Variants in ADAM12 observed in about 807,000 individuals in gnomAD.
ADAM12 encodes the protein disintegrin and metalloproteinase domain-containing protein 12.
Under a neutral mutation model 106.4 loss-of-function variants are expected in ADAM12, and 70 were observed. The ratio of observed to expected loss-of-function variants is 0.66; its 90% CI spans 0.54 to 0.80. The LOEUF (loss-of-function observed/expected upper bound fraction) is 0.80. ADAM12 is among the 30% of genes least tolerant of loss of function. The probability of loss-of-function intolerance (pLI) is 0.00; values close to 1 mark genes in which losing one functional copy is unlikely to be tolerated. For synonymous variants in ADAM12, 420 were observed against 433.5 expected, an observed-to-expected ratio of 0.97 and a Z score of 0.39; for missense variants, 1,010 against 1,171.9, an observed-to-expected ratio of 0.86 and a Z score of 2.02.
rs144125597 is a variant in ADAM12, at chr10:126,287,038, C to T, written c.187-8050G>A. The stretch of plus-strand genomic sequence containing the variant: ...AGGCACCATCACATCACCTTTGGTC[C>T]TCGTGATGCTCTTAGCTCAAGTTCT... On this transcript the variant is annotated intron_variant, in intron 2 of 22. Transcript: ENST00000448723. Among the ~76,000 whole-genome samples, 755 of 152,298 alleles carry T rather than the reference C, an allele frequency of 5.0e-3. 1 individual carries two copies. The highest frequency in any genetic ancestry group is 0.014 in the Middle Eastern group (4 of 294).
At chr10:126,198,323 T>C (rs1957635758) in intron 3 of ADAM12, among the ~76,000 whole-genome samples, 1 of 152,218 alleles carries the variant, frequency 6.6e-6, no homozygotes, top group African/African-American at 2.4e-5. Flanking sequence ...CTGTACCTTT[T>C]TCTGGTCTAA....
chr10:126,335,445 G>A (rs140241301), intron 1 of ADAM12, among the ~76,000 whole-genome samples: 3 of 152,158 alleles, frequency 2.0e-5, no homozygotes, highest in African/African-American at 7.2e-5. Flanking sequence ...CAGGGACAAG[G>A]CTTCGGAAAC....
At position 126,015,762 on chromosome 10, in the gene ADAM12, G is replaced by T. The variant is rs1267118886; in HGVS notation, c.*1517C>A. On this transcript the variant is annotated 3_prime_UTR_variant, in exon 23 of 23. Coordinates refer to ENST00000448723, the MANE Select transcript of ADAM12 (RefSeq NM_001288973.2). ...AGAAGGCTTTCTCATAAAACACTCA[G>T]AGTGAATTATGTAACTGTTGTCAAT... 1.3e-5 allele frequency: 2 copies of T among 152,216 alleles called. No individual in the cohort carries two copies. The highest frequency in any genetic ancestry group is 2.9e-5 in the Non-Finnish European group (2 of 68,038). 9.4% of individuals were successfully genotyped at this position (152,216 alleles called of 1,614,324 possible).
intron 1 of ADAM12, among the ~76,000 whole-genome samples, chr10:126,342,676 C>G (rs1250694780): frequency 6.6e-6 from 1 of 152,216 alleles, no homozygotes; most frequent in African/African-American, 2.4e-5. Context: ...CTGGTCCAAT[C>G]CAGTATCGGC....
intron 3 of ADAM12, among the ~76,000 whole-genome samples, chr10:126,184,395 T>C (rs1008042469): frequency 2.0e-5 from 3 of 152,218 alleles, no homozygotes; most frequent in East Asian, 3.8e-4. Flanking sequence ...GAGTGTTACA[T>C]AAAAGTGACC....
At chr10:126,200,833 T>A (rs1485128731) in intron 3 of ADAM12, among the ~76,000 whole-genome samples, 1 of 145,716 alleles carries the variant, frequency 6.9e-6, no homozygotes, top group Non-Finnish European at 1.5e-5. Flanking sequence ...TGGAGAGTTG[T>A]TAGGACTTAG....
chr10:126,273,638 C>G (rs1439438361), intron 3 of ADAM12, among the ~76,000 whole-genome samples: 1 of 152,110 alleles, frequency 6.6e-6, no homozygotes, highest in East Asian at 1.9e-4. Context: ...GTGTCTGTTC[C>G]AGGTCTTGTG....
chr10:126,202,862 G>C (rs895980939), intron 3 of ADAM12, among the ~76,000 whole-genome samples: 3 of 151,702 alleles, frequency 2.0e-5, no homozygotes, highest in South Asian at 2.1e-4. Context: ...TTTTCCGAAG[G>C]TCAAAGTGAG....
rs60411537 is a variant in ADAM12 at position 126,049,988 on chromosome 10, GTGGCTGGCTGGCTGGC to G, written c.1610-335_1610-320del. Among the ~76,000 whole-genome samples the G allele has an allele frequency of 2.8e-3, 427 of 149,944 alleles. 1 individual carries two copies. Among genetic ancestry groups the G allele is most frequent in the Non-Finnish European group, 4.5e-3 (305 of 67,340 alleles). The stretch of plus-strand genomic sequence containing the variant: ...AGATCTGATCCAGGGCAGAAAGGAG[GTGGCTGGCTGGCTGGC>G]TGGCTGGCTGGCTGGCTGGCTGGCT... On this transcript the variant is annotated intron_variant, in intron 14 of 22. Coordinates refer to ENST00000448723, the MANE Select transcript of ADAM12 (RefSeq NM_001288973.2). This position sits in a 1 kb window ranked among gnomAD's most constrained non-coding sequence, Gnocchi z 4.4.
At chr10:126,251,339 A>T (rs1001544942) in intron 3 of ADAM12, among the ~76,000 whole-genome samples, 2 of 152,224 alleles carry the variant, frequency 1.3e-5, no homozygotes, top group African/African-American at 4.8e-5. Context: ...AGTGGGTAGC[A>T]TGTTATTATT....
At chr10:126,093,497 G>T (rs1257244972) in intron 11 of ADAM12, among the ~76,000 whole-genome samples, 1 of 152,126 alleles carries the variant, frequency 6.6e-6, no homozygotes, top group African/African-American at 2.4e-5. Flanking sequence ...CCAAGCTACC[G>T]ACTTCAGAGA....
chr10:126,031,166 A>G (rs940817594), intron 21 of ADAM12, among the ~76,000 whole-genome samples: 11 of 152,230 alleles, frequency 7.2e-5, no homozygotes, highest in Non-Finnish European at 1.5e-5. Flanking sequence ...CACCTTTACC[A>G]GTTATTAGCC....
intron 14 of ADAM12, among the ~76,000 whole-genome samples, chr10:126,058,516 G>T (rs1954682183): frequency 6.6e-6 from 1 of 152,220 alleles, no homozygotes; most frequent in Non-Finnish European, 1.5e-5. Flanking sequence ...AAGGTAAATT[G>T]TTATTCCCTC....
intron 3 of ADAM12, among the ~76,000 whole-genome samples, chr10:126,205,312 A>G (rs1957775671): frequency 7.5e-6 from 1 of 134,026 alleles, no homozygotes; most frequent in Non-Finnish European, 1.6e-5. Flanking sequence ...TAAAACCAAA[A>G]GAATTCTGAA....
At chr10:126,243,968 G>A (rs1958581084) in intron 3 of ADAM12, among the ~76,000 whole-genome samples, 1 of 152,176 alleles carries the variant, frequency 6.6e-6, no homozygotes, top group East Asian at 1.9e-4. Context: ...CAAAATCCGG[G>A]GGATGACATT....
At chr10:126,251,536 GATGGATGGATA>G in intron 3 of ADAM12, among the ~76,000 whole-genome samples, 1 of 32,032 alleles carries the variant, frequency 3.1e-5, no homozygotes, top group African/African-American at 5.0e-5. Flanking sequence ...AGGATGGATA[GATGGATGGATA>G]GGATAGATGG....
chr10:126,290,284 A>C (rs751473542), intron 2 of ADAM12, among the ~76,000 whole-genome samples: 1 of 152,210 alleles, frequency 6.6e-6, no homozygotes, highest in Non-Finnish European at 1.5e-5. Context: ...CAGAGCCTCC[A>C]CCAAGAAGGA....
At chr10:126,160,572 A>T (rs890921411) in intron 3 of ADAM12, among the ~76,000 whole-genome samples, 6 of 151,854 alleles carry the variant, frequency 4.0e-5, no homozygotes, top group African/African-American at 1.5e-4. Flanking sequence ...TGCAGCCAAG[A>T]CTCCAGGTGT....
intron 4 of ADAM12, among the ~76,000 whole-genome samples, chr10:126,139,115 C>T (rs7896870): frequency 0.5 from 75,839 of 152,000 alleles, 19,401 homozygotes; most frequent in Non-Finnish European, 0.57. Context: ...TACACAATAA[C>T]CCATTGAGAT....
Sources: allele counts gnomAD v4.1 joint callset (sites outside exome capture counted in the v4.1 genomes callset), GRCh38; gene constraint gnomAD v4.1.1; non-coding constraint Gnocchi (gnomAD v3.1); transcripts MANE v1.5; gene names NCBI Gene and HGNC (gene_info 2026-07-23, HGNC 2026-07-21).